ZPBP: variants seen among roughly 807,000 people sequenced by gnomAD.
The protein encoded by ZPBP is zona pellucida binding protein.
ZPBP carries 26 observed loss-of-function variants against 44.8 expected under a neutral mutation model. That is an observed-to-expected ratio of 0.58 (90% CI 0.43 to 0.81). The LOEUF (loss-of-function observed/expected upper bound fraction) is 0.81, where lower values mean the gene tolerates loss of function less well. Ranked by LOEUF, ZPBP falls within the 30% of genes least tolerant of loss-of-function variation. The pLI is 0.00. For synonymous variants in ZPBP, 174 were observed against 153.2 expected (o/e 1.14, Z -1.00); for missense variants, 409 against 434.0 (o/e 0.94, Z 0.51).
chr7:50,050,602 A>C (rs1365638121), intron 4 of ZPBP, among the ~76,000 whole-genome samples: 1 of 151,960 alleles, frequency 6.6e-6, no homozygotes, highest in African/African-American at 2.4e-5. Context: ...AGCACACTTT[A>C]CACAAAAATT....
intron 4 of ZPBP, among the ~76,000 whole-genome samples, chr7:50,045,860 C>A (rs932670779): frequency 6.6e-6 from 1 of 152,102 alleles, no homozygotes. Context: ...GCAAAAAGAA[C>A]AAAGCTGGAG....
chr7:49,968,792 T>G (rs1796166335), intron 7 of ZPBP, among the ~76,000 whole-genome samples: 1 of 151,956 alleles, frequency 6.6e-6, no homozygotes, highest in African/African-American at 2.4e-5. Flanking sequence ...TAATTACTGT[T>G]AATAATAGCA....
At chr7:49,851,358 A>T (rs1790172680) in intron 2 of ZPBP, among the ~76,000 whole-genome samples, 1 of 152,160 alleles carries the variant, frequency 6.6e-6, no homozygotes, top group East Asian at 1.9e-4. Context: ...GTGGACAGAC[A>T]TTCTGGGAGC....
chr7:50,077,522 A>G (rs954810960), intron 3 of ZPBP, among the ~76,000 whole-genome samples: 6 of 151,828 alleles, frequency 4.0e-5, no homozygotes, highest in African/African-American at 1.4e-4. Context: ...TATCCAGAAT[A>G]TACAAGCAGT....
At chr7:49,934,135 A>G (rs763024754), downstream of ZPBP, among the ~76,000 whole-genome samples, 3 of 151,836 alleles carry the variant, frequency 2.0e-5, no homozygotes, top group Non-Finnish European at 4.4e-5. Flanking sequence ...ACCATCATCA[A>G]TGCCCCAGTT....
At chr7:50,086,889 C>T (rs1457808565) in intron 2 of ZPBP, among the ~76,000 whole-genome samples, 1 of 152,008 alleles carries the variant, frequency 6.6e-6, no homozygotes. Flanking sequence ...CCAGACACAT[C>T]ATAATCAAAC....
chr7:50,083,117 T>C (rs954446485), intron 2 of ZPBP, among the ~76,000 whole-genome samples: 3 of 151,932 alleles, frequency 2.0e-5, no homozygotes, highest in Admixed American at 6.6e-5. Flanking sequence ...CAGTACCTCA[T>C]ACCATGACTG....
At chr7:49,992,902 T>A (rs1797632469) in intron 6 of ZPBP, among the ~76,000 whole-genome samples, 2 of 152,078 alleles carry the variant, frequency 1.3e-5, no homozygotes, top group Admixed American at 1.3e-4. Context: ...TGGGTAAATC[T>A]AAACAGACAC....
At chr7:50,011,096 C>G (rs1350736202) in intron 6 of ZPBP, among the ~76,000 whole-genome samples, 1 of 151,804 alleles carries the variant, frequency 6.6e-6, no homozygotes, top group Non-Finnish European at 1.5e-5. Flanking sequence ...CAAGGTAAAC[C>G]AAAACATAAA....
chr7:49,994,603 C>T (rs996788217), intron 6 of ZPBP, among the ~76,000 whole-genome samples: 9 of 152,194 alleles, frequency 5.9e-5, no homozygotes, highest in Admixed American at 1.3e-4. Context: ...TTCAATATTT[C>T]CTAAGGCCCT....
At chr7:49,904,394 G>A (rs1317314346) in intron 1 of ZPBP, among the ~76,000 whole-genome samples, 1 of 152,046 alleles carries the variant, frequency 6.6e-6, no homozygotes, top group African/African-American at 2.4e-5. Flanking sequence ...GCAACTTCCA[G>A]GTTTGATTTC....
At chr7:49,895,977 T>C (rs1263261227) in intron 2 of ZPBP, among the ~76,000 whole-genome samples, 1 of 152,198 alleles carries the variant, frequency 6.6e-6, no homozygotes, top group Non-Finnish European at 1.5e-5. Flanking sequence ...TCATGAGTGA[T>C]ATATTTTCCC....
At chr7:49,854,079 G>A (rs1266612252) in intron 2 of ZPBP, among the ~76,000 whole-genome samples, 1 of 152,016 alleles carries the variant, frequency 6.6e-6, no homozygotes, top group Non-Finnish European at 1.5e-5. Context: ...ATTCCATGGT[G>A]TATATGTGCC....
intron 2 of ZPBP, among the ~76,000 whole-genome samples, chr7:49,890,722 A>G (rs1792090467): frequency 1.3e-5 from 1 of 75,010 alleles, no homozygotes; most frequent in Non-Finnish European, 2.7e-5. Flanking sequence ...TTAAAACACA[A>G]AGCAAAACAA....
chr7:49,881,760 ATC>A (rs1006260089), intron 2 of ZPBP, among the ~76,000 whole-genome samples: 4 of 152,144 alleles, frequency 2.6e-5, no homozygotes, highest in African/African-American at 9.6e-5. Context: ...TCTTTAATTC[ATC>A]TCTTTTAAAA....
intron 2 of ZPBP, among the ~76,000 whole-genome samples, chr7:50,085,626 G>A (rs568071591): frequency 3.5e-4 from 53 of 152,178 alleles, no homozygotes; most frequent in African/African-American, 1.3e-3. Flanking sequence ...CGTATTAAAG[G>A]CTGCCCGTAC....
At chr7:49,978,921 A>G (rs1796649964) in intron 7 of ZPBP, among the ~76,000 whole-genome samples, 1 of 152,064 alleles carries the variant, frequency 6.6e-6, no homozygotes. Flanking sequence ...ACATTAAGGG[A>G]ACTGAATCTT....
chr7:49,867,760 T>C (rs752108681), intron 2 of ZPBP, among the ~76,000 whole-genome samples: 6 of 152,248 alleles, frequency 3.9e-5, no homozygotes, highest in Non-Finnish European at 8.8e-5. Flanking sequence ...GAAGACCTGC[T>C]GGTATCTCTC....
chr7:50,081,691 T>C (rs1018976416), intron 3 of ZPBP, 83 bp downstream of exon 3: 4 of 1,492,654 alleles, frequency 2.7e-6, no homozygotes, highest in Admixed American at 1.7e-5. Flanking sequence ...AACATAAATA[T>C]GTATGAGATA....
Sources: allele counts gnomAD v4.1 joint callset (sites outside exome capture counted in the v4.1 genomes callset), GRCh38; gene constraint gnomAD v4.1.1; transcripts MANE v1.5; gene names NCBI Gene and HGNC (gene_info 2026-07-23, HGNC 2026-07-21).